Variants in ZNF713 observed in about 807,000 individuals in gnomAD.
The protein encoded by ZNF713 is zinc finger protein 713.
A neutral mutation model predicts 28.7 loss-of-function variants in ZNF713; 21 were observed. The observed-to-expected ratio is 0.73, with a 90% CI of 0.52 to 1.05. The LOEUF is 1.05. Ranked by LOEUF, ZNF713 falls within the 50% of genes least tolerant of loss-of-function variation. The probability of loss-of-function intolerance (pLI) is 0.00; values close to 1 mark genes in which losing one functional copy is unlikely to be tolerated. For missense variants in ZNF713, 458 were observed against 532.4 expected, an observed-to-expected ratio of 0.86 and a Z score of 1.37; for synonymous variants, 167 against 178.0, an observed-to-expected ratio of 0.94 and a Z score of 0.49.
At chr7:55,927,995 A>AT (rs1482397434) in intron 6 of ZNF713, among the ~76,000 whole-genome samples, 1 of 149,984 alleles carries the variant, frequency 6.7e-6, no homozygotes, top group Non-Finnish European at 1.5e-5. Context: ...GTGACTGTAT[A>AT]TGTCAGTAAA....
intron 1 of ZNF713, among the ~76,000 whole-genome samples, chr7:55,896,624 A>C (rs539031331): frequency 6.6e-6 from 1 of 151,294 alleles, no homozygotes; most frequent in African/African-American, 2.4e-5. Flanking sequence ...CACACACATA[A>C]ACACACATAA....
At chr7:55,891,345 A>T (rs1785376880) in intron 1 of ZNF713, among the ~76,000 whole-genome samples, 1 of 152,144 alleles carries the variant, frequency 6.6e-6, no homozygotes, top group Non-Finnish European at 1.5e-5. Context: ...ATGATATATA[A>T]TGGTTTGCAG....
intron 4 of ZNF713, among the ~76,000 whole-genome samples, chr7:55,916,872 C>G (rs1023846097): frequency 1.3e-5 from 2 of 152,000 alleles, no homozygotes; most frequent in Non-Finnish European, 1.5e-5. Flanking sequence ...TAACTTTCAC[C>G]AAAGAAAAAC....
At chr7:55,898,167 A>G (rs1368388789) in intron 1 of ZNF713, among the ~76,000 whole-genome samples, 2 of 152,260 alleles carry the variant, frequency 1.3e-5, no homozygotes, top group Non-Finnish European at 2.9e-5. Flanking sequence ...AAAATGTTCC[A>G]TGACGTTTGT....
At chr7:55,888,384 A>G (rs760958057) in intron 1 of ZNF713, among the ~76,000 whole-genome samples, 2 of 151,870 alleles carry the variant, frequency 1.3e-5, no homozygotes, top group Non-Finnish European at 2.9e-5. Flanking sequence ...GTTTCTGTTT[A>G]TTTATGTTTT....
intron 1 of ZNF713, among the ~76,000 whole-genome samples, chr7:55,892,979 T>A (rs1382596468): frequency 6.6e-6 from 1 of 151,194 alleles, no homozygotes; most frequent in Non-Finnish European, 1.5e-5. Flanking sequence ...GTCTCCCGGG[T>A]TCACGCCATT....
intron 6 of ZNF713, chr7:55,924,895 A>G (rs965416613): frequency 3.3e-5 from 5 of 151,992 alleles, no homozygotes; most frequent in African/African-American, 1.2e-4. Context: ...AACAATTTAG[A>G]TTATATTTTT....
chr7:55,902,003 C>A (rs900544449), intron 1 of ZNF713, among the ~76,000 whole-genome samples: 1 of 152,160 alleles, frequency 6.6e-6, no homozygotes, highest in Admixed American at 6.6e-5. Context: ...ACCGGCCAGT[C>A]AACATGGCAA....
Position 55,939,318 on chromosome 7 carries a change from G to C in ZNF713, c.644G>C (p.Ser215Thr). 1.2e-6 allele frequency: 2 copies of C among 1,614,074 alleles called. No individual in the cohort carries two copies. The highest frequency in any genetic ancestry group is 1.7e-6 in the Non-Finnish European group (2 of 1,179,986). Residue 215 changes from serine to threonine, a missense_variant, in exon 7 of 7, where the codon AGC (serine) becomes ACC (threonine). Physicochemically the swap from Ser to Thr is moderately conservative, Grantham distance 58. Coordinates refer to ENST00000429591, the MANE Select transcript of ZNF713 (RefSeq NM_182633.3). ...CTGAATTCTGACACACAGGGAAACA[G>C]CATCAAACATAATTCAGACTTGATT... is the stretch of plus-strand genomic sequence containing the variant. ...IPLNSDTQGN[S>T]IKHNSDLIYY... is the part of the protein sequence containing the mutation.
At position 55,939,443 on chromosome 7, in the gene ZNF713, G is replaced by T; in HGVS notation, c.769G>T (p.Ala257Ser). ...TCTTCTTACTGATCATATTCATACT[G>T]CAGAGAAACCCAGTGAGTGTGGGAA... is the stretch of plus-strand genomic sequence containing the variant. ...HILLTDHIHTAEKPSECGKAF... is the reference protein window; with the variant it reads ...HILLTDHIHTSEKPSECGKAF... The change falls in exon 7 of 7, where the codon GCA becomes TCA. Residue 257 changes from alanine to serine, a missense_variant. By Grantham distance (99) the Ala-to-Ser change is moderately conservative. Coordinates refer to ENST00000429591, the MANE Select transcript of ZNF713 (RefSeq NM_182633.3). 6.2e-7 allele frequency: 1 copy of T among 1,613,990 alleles called. No individual in the cohort carries two copies. The highest frequency in any genetic ancestry group is 8.5e-7 in the Non-Finnish European group (1 of 1,180,020).
intron 6 of ZNF713, among the ~76,000 whole-genome samples, chr7:55,936,085 T>C (rs1041253343): frequency 1.3e-5 from 2 of 151,670 alleles, no homozygotes; most frequent in African/African-American, 4.8e-5. Context: ...GCCAACATGG[T>C]GAAACCCCGT....
chr7:55,904,097 C>T (rs964314623), intron 1 of ZNF713, among the ~76,000 whole-genome samples: 1 of 47,306 alleles, frequency 2.1e-5, no homozygotes, highest in Non-Finnish European at 5.3e-5. Context: ...GATCACAGCT[C>T]CCTGAGAGAG....
intron 1 of ZNF713, among the ~76,000 whole-genome samples, chr7:55,893,230 C>T (rs1785420971): frequency 6.6e-6 from 1 of 152,010 alleles, no homozygotes; most frequent in Non-Finnish European, 1.5e-5. Context: ...AGACTGAAGA[C>T]CCAAAGATAC....
At chr7:55,909,561 C>G (rs1334135780) in intron 2 of ZNF713, among the ~76,000 whole-genome samples, 2 of 152,134 alleles carry the variant, frequency 1.3e-5, no homozygotes, top group Non-Finnish European at 2.9e-5. Context: ...ATTGTTGTTT[C>G]TAATTCTGTG....
chr7:55,903,141 G>T (rs963083550), intron 1 of ZNF713, among the ~76,000 whole-genome samples: 1 of 151,976 alleles, frequency 6.6e-6, no homozygotes, highest in Admixed American at 6.6e-5. Flanking sequence ...TCTAAAATGG[G>T]TTTAAAATTA....
At chr7:55,922,877 T>G (rs547083944) in intron 4 of ZNF713, among the ~76,000 whole-genome samples, 1 of 152,184 alleles carries the variant, frequency 6.6e-6, no homozygotes, top group Non-Finnish European at 1.5e-5. Context: ...ATCTCTGAGG[T>G]GTCCTTGTAG....
At chr7:55,890,450 C>CAAA (rs34844925) in intron 1 of ZNF713, among the ~76,000 whole-genome samples, 1 of 116,446 alleles carries the variant, frequency 8.6e-6, no homozygotes, top group Non-Finnish European at 1.8e-5. Context: ...ACTCTGTCTC[C>CAAA]AAAAAAAAAA....
chr7:55,897,764 G>A (rs1242202117), intron 1 of ZNF713, among the ~76,000 whole-genome samples: 1 of 152,238 alleles, frequency 6.6e-6, no homozygotes, highest in East Asian at 1.9e-4. Flanking sequence ...CCATTAATGA[G>A]ACATATTGAC....
chr7:55,919,504 T>TTTTTG (rs1562743541), intron 4 of ZNF713, among the ~76,000 whole-genome samples: 1 of 58,466 alleles, frequency 1.7e-5, no homozygotes, highest in African/African-American at 8.5e-5. Flanking sequence ...TTTTTTTTTT[T>TTTTTG]TTTTTTTTTT....
Sources: allele counts gnomAD v4.1 joint callset (sites outside exome capture counted in the v4.1 genomes callset), GRCh38; gene constraint gnomAD v4.1.1; transcripts MANE v1.5; gene names NCBI Gene and HGNC (gene_info 2026-07-23, HGNC 2026-07-21).